The following FAM227A variants were observed in gnomAD, a reference collection of about 807,000 sequenced individuals.
FAM227A encodes the protein family with sequence similarity 227 member A, also known as protein FAM227A.
FAM227A carries 80 observed loss-of-function variants against 74.7 expected under a neutral mutation model. The ratio of observed to expected loss-of-function variants is 1.07; its 90% CI spans 0.89 to 1.29. The LOEUF (loss-of-function observed/expected upper bound fraction) is 1.29. FAM227A is among the 50% of genes most tolerant of loss of function. FAM227A has a pLI of 0.00. For missense variants in FAM227A, 654 were observed against 683.4 expected, an observed-to-expected ratio of 0.96 and a Z score of 0.48; for synonymous variants, 237 against 241.8, an observed-to-expected ratio of 0.98 and a Z score of 0.19.
chr22:38,623,123 T>A (rs930228580), intron 10 of FAM227A, 49 bp downstream of exon 10: 16 of 1,274,300 alleles, frequency 1.3e-5, no homozygotes, highest in Non-Finnish European at 1.8e-5. Flanking sequence ...AGATAGTGGT[T>A]GAGTATGGCA....
intron 15 of FAM227A, among the ~76,000 whole-genome samples, chr22:38,595,643 A>C (rs1405888937): frequency 6.6e-6 from 1 of 152,198 alleles, no homozygotes; most frequent in African/African-American, 2.4e-5. Flanking sequence ...TTAGAAAGAC[A>C]AACATGTGCT....
chr22:38,635,611 G>A (rs2091988502), intron 6 of FAM227A, among the ~76,000 whole-genome samples: 1 of 152,166 alleles, frequency 6.6e-6, no homozygotes. Flanking sequence ...AAGGAACCCA[G>A]CATGCTCTAG....
chr22:38,624,802 C>T (rs79661975), intron 9 of FAM227A, among the ~76,000 whole-genome samples: 5,416 of 152,210 alleles, frequency 0.036, 118 homozygotes, highest in South Asian at 0.058. Context: ...AGGAAGTCTG[C>T]GTATGGATTC....
chr22:38,611,566 A>G (rs2091415190), intron 11 of FAM227A, among the ~76,000 whole-genome samples: 1 of 152,182 alleles, frequency 6.6e-6, no homozygotes, highest in Non-Finnish European at 1.5e-5. Context: ...AAGAATCAAT[A>G]CCAGTCGCGA....
Position 38,620,209 on chromosome 22 carries a change from T to C in FAM227A, c.1038+3A>G. The stretch of plus-strand genomic sequence containing the variant: ...GGGTCCTGGTCCGTGCCTCCCCACT[T>C]ACCTGAGGGTGGTAGAATTTCCTGC... On this transcript the variant is annotated splice_donor_region_variant and intron_variant, in intron 11 of 16. Transcript: ENST00000535113. The C allele has an allele frequency of 6.5e-7, 1 of 1,550,096 alleles. No individual in the cohort carries two copies. Among genetic ancestry groups the C allele is most frequent in the Non-Finnish European group, 8.7e-7 (1 of 1,145,882 alleles).
chr22:38,622,651 A>T (rs2145563365), intron 10 of FAM227A, among the ~76,000 whole-genome samples: 1 of 152,144 alleles, frequency 6.6e-6, no homozygotes, highest in South Asian at 2.1e-4. Flanking sequence ...CGAGGTGGGT[A>T]GATCATTTGA....
rs899136019 is a variant in FAM227A, at chr22:38,626,330, C to T, written c.727-27G>A. ...TGCGGAGCAAGCCGAGCTCAGGCAA[C>T]GTTCTCAACATTTCCACCCGGCTTA... On this transcript the variant is annotated intron_variant, in intron 8 of 16. Transcript: ENST00000535113. 3.9e-6 allele frequency: 6 copies of T among 1,542,312 alleles called. No homozygotes were observed. The African/African-American group carries it at 4.1e-5, about 11-fold the overall frequency.
chr22:38,629,046 C>T, intron 6 of FAM227A, 111 bp from the exon 7 acceptor site: 9 of 648,974 alleles, frequency 1.4e-5, no homozygotes, highest in East Asian at 2.8e-5. Flanking sequence ...GTTAGTGAGG[C>T]CCTACCCAGG....
At chr22:38,609,321 G>A (rs888689521) in intron 11 of FAM227A, among the ~76,000 whole-genome samples, 2 of 152,216 alleles carry the variant, frequency 1.3e-5, no homozygotes. Context: ...ATTTCAGCCA[G>A]GTACATGCCC....
At chr22:38,591,104 C>T (rs2090923763) in intron 16 of FAM227A, among the ~76,000 whole-genome samples, 1 of 152,002 alleles carries the variant, frequency 6.6e-6, no homozygotes, top group Non-Finnish European at 1.5e-5. Context: ...TTTATATGCT[C>T]TTTCCTGTGT....
At position 38,582,859 on chromosome 22, in the gene FAM227A, T is replaced by G; in HGVS notation, c.*3266A>C. On this transcript the variant is annotated 3_prime_UTR_variant, in exon 17 of 17. Coordinates refer to ENST00000535113, the MANE Select transcript of FAM227A (RefSeq NM_001013647.2). Reference sequence around the variant, plus strand: ...CATAATGCAGTGGAGCACTTGTGCCTACCTTGCTCCTGGTATATTAGGGAA... The same window carrying G: ...CATAATGCAGTGGAGCACTTGTGCCGACCTTGCTCCTGGTATATTAGGGAA... 6.4e-7 allele frequency: 1 copy of G among 1,550,446 alleles called. No homozygotes were observed. The highest frequency in any genetic ancestry group is 1.2e-5 in the South Asian group (1 of 84,056).
rs148408291 is a variant in FAM227A, at chr22:38,593,857, A to G, written c.1533-2317T>C. Among the ~76,000 whole-genome samples, 1,466 of 151,552 alleles carry G rather than the reference A, an allele frequency of 9.7e-3. 31 individuals carry two copies. Among genetic ancestry groups the G allele is most frequent in the African/African-American group, 0.034 (1,420 of 41,272 alleles). On this transcript the variant is annotated intron_variant, in intron 15 of 16. Transcript: ENST00000535113. Reference sequence around the variant, plus strand: ...AGGTGTGCGCCACTACCACCCAGCTATTTTTTCTATTTTTAGTAGAGACGG... The same window carrying G: ...AGGTGTGCGCCACTACCACCCAGCTGTTTTTTCTATTTTTAGTAGAGACGG...
At chr22:38,623,649 C>T (rs2091738853) in intron 9 of FAM227A, among the ~76,000 whole-genome samples, 1 of 152,164 alleles carries the variant, frequency 6.6e-6, no homozygotes, top group Non-Finnish European at 1.5e-5. Flanking sequence ...TCACAACACA[C>T]AGGTGTGTGA....
At chr22:38,601,111 A>G (rs1335647992) in intron 13 of FAM227A, among the ~76,000 whole-genome samples, 1 of 152,164 alleles carries the variant, frequency 6.6e-6, no homozygotes, top group Non-Finnish European at 1.5e-5. Flanking sequence ...GAACAAGACA[A>G]ATTCCAGCCC....
Position 38,599,920 on chromosome 22 carries a change from G to A in FAM227A, c.1223C>T (p.Ser408Leu), listed in dbSNP as rs752133669. The change falls in exon 14 of 17, where the codon TCG (serine) becomes TTG (leucine). Residue 408 changes from serine (S) to leucine (L), a missense_variant and splice_region_variant. Ser to Leu is a moderately radical substitution (Grantham distance 145, BLOSUM62 -2). Transcript: ENST00000535113. ...RECENMFPKK[S>L]CAACKSPELT... ...CTCAGGGCTTTTGCAGGCAGCACAC[G>A]ACTAAGGATGAAAGAAAAAGGAAAA... The A allele has an allele frequency of 1.2e-5, 18 of 1,536,466 alleles. No homozygotes were observed. In the South Asian group the frequency reaches 1.7e-4, roughly 15 times the overall value.
In FAM227A at chr22:38,581,742, G is replaced by GTTTTTT; in HGVS notation, c.*4377_*4382dup. ...GCGTTAGCCACCGCACCTGGCTCAGGTTTTTTTTTTTTTTTTTCCCAGACA... is the reference window on the plus strand; with the variant it reads ...GCGTTAGCCACCGCACCTGGCTCAGGTTTTTTTTTTTTTTTTTTTTTTTCCCAGACA... On this transcript the variant is annotated 3_prime_UTR_variant, in exon 17 of 17. Coordinates refer to ENST00000535113, the MANE Select transcript of FAM227A (RefSeq NM_001013647.2). 7.3e-6 allele frequency: 1 copy of GTTTTTT among 137,032 alleles called. No individual in the cohort carries two copies. The highest frequency in any genetic ancestry group is 1.6e-5 in the Non-Finnish European group (1 of 64,206). The allele number at this position is 137,032 out of a possible 1,614,324, so 8.5% of individuals were successfully genotyped here. A position where few individuals can be genotyped will look rare whatever the true frequency, so the allele number is the denominator to read the frequency against.
At chr22:38,595,524 T>C (rs1450030317) in intron 15 of FAM227A, among the ~76,000 whole-genome samples, 2 of 152,226 alleles carry the variant, frequency 1.3e-5, no homozygotes, top group African/African-American at 2.4e-5. Context: ...TTAAATGTAA[T>C]AGTTAATCAG....
At chr22:38,610,449 A>T (rs1485192129) in intron 11 of FAM227A, among the ~76,000 whole-genome samples, 2 of 152,184 alleles carry the variant, frequency 1.3e-5, no homozygotes, top group African/African-American at 4.8e-5. Context: ...CAGCTTGCTG[A>T]TGCAGAGAGA....
At chr22:38,620,565 A>G (rs2091666792) in intron 10 of FAM227A, among the ~76,000 whole-genome samples, 1 of 152,080 alleles carries the variant, frequency 6.6e-6, no homozygotes, top group Non-Finnish European at 1.5e-5. Flanking sequence ...GCACTTTGGG[A>G]GGCCGAGGCG....
Sources: gnomAD v4.1 joint callset for allele counts (sites outside exome capture counted in the v4.1 genomes callset) on GRCh38, gnomAD v4.1.1 for gene constraint, MANE v1.5 for transcripts, NCBI Gene and HGNC (gene_info 2026-07-23, HGNC 2026-07-21) for gene names.